CARNMT1: variants seen among roughly 807,000 people sequenced by gnomAD.
CARNMT1 encodes protein-L-histidine N-pros-methyltransferase CARNMT1.
Under a neutral mutation model 49.6 loss-of-function variants are expected in CARNMT1, and 28 were observed. The ratio of observed to expected loss-of-function variants is 0.56; its 90% CI spans 0.42 to 0.77. The LOEUF is 0.77. Among genes scored for constraint, CARNMT1 ranks in the 30% least tolerant of loss-of-function variants. The pLI, the probability that CARNMT1 is intolerant of heterozygous loss-of-function variation, is 0.00. For synonymous variants in CARNMT1, 178 were observed against 175.0 expected (o/e 1.02, Z -0.13); for missense variants, 421 against 512.6 (o/e 0.82, Z 1.73).
intron 4 of CARNMT1, among the ~76,000 whole-genome samples, chr9:74,999,104 AAC>A (rs925679582): frequency 1.3e-5 from 2 of 152,170 alleles, no homozygotes; most frequent in African/African-American, 2.4e-5. Context: ...TTTCAACTAA[AAC>A]AGTTTGCTAT....
At chr9:75,028,312 C>T (rs916950525), upstream of CARNMT1, 22 of 1,328,470 alleles carry the variant, frequency 1.7e-5, no homozygotes, top group African/African-American at 1.4e-4. Context: ...GGCTGCTTGG[C>T]CTTCCTCTAG....
intron 1 of CARNMT1, among the ~76,000 whole-genome samples, chr9:75,020,767 G>A (rs1460743120): frequency 6.6e-6 from 1 of 152,140 alleles, no homozygotes; most frequent in African/African-American, 2.4e-5. Flanking sequence ...TGTGTTTGGT[G>A]GCTTGGTGTG....
intron 6 of CARNMT1, among the ~76,000 whole-genome samples, chr9:74,993,366 G>T (rs2118770614): frequency 6.6e-6 from 1 of 152,324 alleles, no homozygotes; most frequent in East Asian, 1.9e-4. Flanking sequence ...TGAGGTCAGA[G>T]AAGGGGTGGT....
In CARNMT1 at chr9:75,012,221, T is replaced by G. The variant is rs895144246; in HGVS notation, c.590+4047A>C. ...CTGAATATCACTTATATCTGAGCTC[T>G]GAATGTACATTAATATGTTGGGTCA... On this transcript the variant is annotated intron_variant, in intron 3 of 7. Transcript: ENST00000376834. 2.6e-5 allele frequency among the ~76,000 whole-genome samples: 4 copies of G among 152,062 alleles called. No homozygotes were observed. The East Asian group carries it at 7.7e-4, about 29-fold the overall frequency.
chr9:75,007,747 A>AAAAAAAAAAAC (rs1833557508), intron 3 of CARNMT1, among the ~76,000 whole-genome samples: 1 of 149,666 alleles, frequency 6.7e-6, no homozygotes, highest in Non-Finnish European at 1.5e-5. Flanking sequence ...AAAAATAATA[A>AAAAAAAAAAAC]AAAAAAAAAA....
At chr9:75,018,041 A>G (rs914289690) in intron 1 of CARNMT1, among the ~76,000 whole-genome samples, 9 of 152,106 alleles carry the variant, frequency 5.9e-5, no homozygotes, top group Non-Finnish European at 1.0e-4. Flanking sequence ...AAAATAGAAC[A>G]TAATTTTTAC....
At chr9:75,025,888 G>T (rs1409519348) in intron 1 of CARNMT1, among the ~76,000 whole-genome samples, 1 of 152,190 alleles carries the variant, frequency 6.6e-6, no homozygotes, top group Non-Finnish European at 1.5e-5. Flanking sequence ...TATGGGTAGT[G>T]AAACTGAGCA....
chr9:75,019,855 C>T (rs145790118), intron 1 of CARNMT1, among the ~76,000 whole-genome samples: 1 of 152,232 alleles, frequency 6.6e-6, no homozygotes, highest in East Asian at 1.9e-4. Flanking sequence ...CCACAGGCTG[C>T]AGTCACTATC....
At chr9:74,999,965 A>C (rs1424768424) in intron 3 of CARNMT1, 95 bp from the exon 4 acceptor site, 1 of 1,131,652 alleles carries the variant, frequency 8.8e-7, no homozygotes, top group African/African-American at 1.6e-5. Flanking sequence ...TCATTTACTC[A>C]ATAAGAATAA....
chr9:75,012,934 T>C (rs1431841119), intron 3 of CARNMT1, among the ~76,000 whole-genome samples: 1 of 150,362 alleles, frequency 6.7e-6, no homozygotes, highest in East Asian at 2.0e-4. Context: ...AAAAAAAAAA[T>C]CTTATCTATA....
chr9:74,993,862 C>T (rs992997402), intron 6 of CARNMT1, among the ~76,000 whole-genome samples: 1 of 152,064 alleles, frequency 6.6e-6, no homozygotes, highest in South Asian at 2.1e-4. Context: ...TATTCAAGAG[C>T]GATTAAGTAG....
rs1398886224 is a variant in CARNMT1, at chr9:75,004,051, T to G, written c.591-4181A>C. ...CCACCACACCCAGCTAATTTTTGTA[T>G]TTTTAGTAGAGACAGGTTTCACCAT... On this transcript the variant is annotated intron_variant, in intron 3 of 7. Coordinates refer to ENST00000376834, the MANE Select transcript of CARNMT1 (RefSeq NM_152420.3). 2.6e-5 allele frequency among the ~76,000 whole-genome samples: 4 copies of G among 152,208 alleles called. No individual in the cohort carries two copies. In the South Asian group the frequency reaches 8.3e-4, roughly 32 times the overall value.
intron 5 of CARNMT1, among the ~76,000 whole-genome samples, chr9:74,997,173 T>C (rs777379811): frequency 2.0e-4 from 31 of 152,144 alleles, no homozygotes; most frequent in Non-Finnish European, 3.8e-4. Flanking sequence ...GAGGACTACC[T>C]TCATCATCTG....
chr9:75,018,299 A>G (rs1003489400), intron 1 of CARNMT1, among the ~76,000 whole-genome samples: 1 of 152,142 alleles, frequency 6.6e-6, no homozygotes, highest in African/African-American at 2.4e-5. Context: ...CCGGGGCTCA[A>G]GCAATCTGCC....
In CARNMT1 at chr9:74,982,948, AT is replaced by A. The variant is rs1229807716; in HGVS notation, c.*818del. ...AGTTTATTGTGGCCAAAAGACTTTG[AT>A]ATTTCTGTTACTTGAATATATTTTA... On this transcript the variant is annotated 3_prime_UTR_variant, in exon 8 of 8. Transcript: ENST00000376834. The A allele has an allele frequency of 6.6e-6, 1 of 152,170 alleles. No individual in the cohort carries two copies. Among genetic ancestry groups the A allele is most frequent in the African/African-American group, 2.4e-5 (1 of 41,450 alleles). The allele number at this position is 152,170 out of a possible 1,614,324, so 9.4% of individuals were successfully genotyped here. A position where few individuals can be genotyped will look rare whatever the true frequency, so the allele number is the denominator to read the frequency against.
intron 1 of CARNMT1, chr9:75,027,400 G>T (rs11144196): frequency 3.0e-6 from 3 of 984,582 alleles, no homozygotes; most frequent in Non-Finnish European, 3.6e-6. Flanking sequence ...GCAAATTTTA[G>T]AATATCCGGA....
At chr9:75,013,233 C>T (rs1356556472) in intron 3 of CARNMT1, among the ~76,000 whole-genome samples, 1 of 152,098 alleles carries the variant, frequency 6.6e-6, no homozygotes, top group Admixed American at 6.5e-5. Flanking sequence ...TAAGTGCCAA[C>T]TGATATTTCT....
intron 1 of CARNMT1, among the ~76,000 whole-genome samples, chr9:75,021,406 T>C (rs933306998): frequency 6.8e-6 from 1 of 146,942 alleles, no homozygotes; most frequent in African/African-American, 2.5e-5. Flanking sequence ...ATATATACTA[T>C]ATACATACTA....
chr9:75,027,975 C>G, intron 1 of CARNMT1, 37 bp downstream of exon 1: 1 of 1,526,930 alleles, frequency 6.5e-7, no homozygotes, highest in Non-Finnish European at 8.8e-7. Flanking sequence ...GTGGGCGCCC[C>G]GACGGTCTGG....
Sources: allele counts gnomAD v4.1 joint callset (sites outside exome capture counted in the v4.1 genomes callset), GRCh38; gene constraint gnomAD v4.1.1; transcripts MANE v1.5; gene names NCBI Gene and HGNC (gene_info 2026-07-23, HGNC 2026-07-21).